Variants in PRPF3 observed in about 807,000 individuals in gnomAD.
PRPF3 encodes the protein U4/U6 small nuclear ribonucleoprotein Prp3.
In PRPF3, 3 loss-of-function variants were observed where a neutral mutation model predicts 89.2. The observed-to-expected ratio is 0.03, with a 90% confidence interval of 0.02 to 0.09. The LOEUF (loss-of-function observed/expected upper bound fraction) is 0.09, where lower values mean the gene tolerates loss of function less well. Among genes scored for constraint, PRPF3 ranks in the 10% least tolerant of loss-of-function variants. The pLI is 1.00. For missense variants in PRPF3, 463 were observed against 828.8 expected (o/e 0.56, Z 5.42); for synonymous variants, 270 against 289.1 (o/e 0.93, Z 0.67).
chr1:150,344,157 T>G lies in PRPF3; in HGVS notation c.1427-5T>G. 1 of 1,612,790 alleles carries G rather than the reference T, an allele frequency of 6.2e-7. No individual in the cohort carries two copies. The highest frequency in any genetic ancestry group is 8.5e-7 in the Non-Finnish European group (1 of 1,179,532). On this transcript the variant is annotated splice_region_variant and splice_polypyrimidine_tract_variant and intron_variant, in intron 10 of 15. Transcript: ENST00000324862. Reference sequence around the variant, plus strand: ...AGACTGATTGTTGTCCTCTCTTCACTGCAGTGAGAATTTCTAATTTGATGC... The same window carrying G: ...AGACTGATTGTTGTCCTCTCTTCACGGCAGTGAGAATTTCTAATTTGATGC...
intron 14 of PRPF3, 26 bp downstream of exon 14, chr1:150,346,517 G>C (rs1553872996): frequency 1.3e-6 from 2 of 1,586,748 alleles, no homozygotes; most frequent in African/African-American, 1.3e-5. Context: ...AGGGGATTAA[G>C]GGGGAGAGCT....
intron 15 of PRPF3, among the ~76,000 whole-genome samples, chr1:150,352,538 G>A (rs1029886859): frequency 5.3e-5 from 8 of 152,132 alleles, no homozygotes; most frequent in African/African-American, 1.2e-4. Context: ...GGTAGCGGGC[G>A]CCTGTAGTCC....
At chr1:150,335,461 C>T (rs1200362346) in intron 7 of PRPF3, among the ~76,000 whole-genome samples, 1 of 151,870 alleles carries the variant, frequency 6.6e-6, no homozygotes, top group African/African-American at 2.4e-5. Context: ...TTATTGTGTA[C>T]TTTATTATTA....
At position 150,344,139 on chromosome 1, in the gene PRPF3, T is replaced by C. The variant is rs1326666225; in HGVS notation, c.1427-23T>C. Reference sequence around the variant, plus strand: ...CTGGAGAAGTGACTTCAAAGACTGATTGTTGTCCTCTCTTCACTGCAGTGA... The same window carrying C: ...CTGGAGAAGTGACTTCAAAGACTGACTGTTGTCCTCTCTTCACTGCAGTGA... On this transcript the variant is annotated intron_variant, in intron 10 of 15. Transcript: ENST00000324862. 8.1e-6 allele frequency: 13 copies of C among 1,596,202 alleles called. 1 individual carries two copies. In the Admixed American group the frequency reaches 1.5e-4, roughly 18 times the overall value.
chr1:150,339,685 G>A (rs1303304173), intron 8 of PRPF3, among the ~76,000 whole-genome samples: 2 of 147,458 alleles, frequency 1.4e-5, no homozygotes, highest in African/African-American at 5.0e-5. Context: ...TGATCCACCC[G>A]CCTCAGCCTC....
In PRPF3 at chr1:150,346,427, A is replaced by G. The variant is rs782084287; in HGVS notation, c.1779A>G (p.Lys593=). 3 of 1,614,060 alleles carry G rather than the reference A, an allele frequency of 1.9e-6. No homozygotes were observed. In the Admixed American group the frequency reaches 5.0e-5, roughly 27 times the overall value. ...VVEGGPKAQK[K]FKRLMLHRIK... ...TTCCAGGCCCCAAGGCCCAGAAGAA[A>G]TTTAAGCGTCTTATGCTGCATCGGA... Residue 593 remains lysine (K), a synonymous_variant, in exon 14 of 16, where the codon AAA becomes AAG. Transcript: ENST00000324862.
intron 15 of PRPF3, among the ~76,000 whole-genome samples, chr1:150,351,332 G>T (rs781849230): frequency 6.6e-5 from 10 of 151,836 alleles, no homozygotes; most frequent in Non-Finnish European, 1.5e-4. Context: ...GCTATTAATA[G>T]TTTTTCTTCT....
intron 12 of PRPF3, among the ~76,000 whole-genome samples, chr1:150,345,133 T>C (rs1007129243): frequency 1.3e-5 from 2 of 152,094 alleles, no homozygotes; most frequent in Admixed American, 1.3e-4. Context: ...ACTAGTTCTT[T>C]ATTATAAAAG....
Position 150,346,598 on chromosome 1 carries a change from A to G in PRPF3, c.1843+107A>G, listed in dbSNP as rs1299362345. 4 of 1,164,900 alleles carry G rather than the reference A, an allele frequency of 3.4e-6. No individual in the cohort carries two copies. In the African/African-American group the frequency reaches 5.1e-5, roughly 15 times the overall value. 72.2% of individuals were successfully genotyped at this position (1,164,900 alleles called of 1,614,324 possible). On this transcript the variant is annotated intron_variant, in intron 14 of 15. Transcript: ENST00000324862. ...CCTGTGACACTCTTGATAACACTAG[A>G]TAGTGTTCAGGAATTTTAGAAAGAC...
In PRPF3 at chr1:150,344,183, G is replaced by A. The variant is rs781967161; in HGVS notation, c.1448G>A (p.Arg483Gln). 5.6e-6 allele frequency: 9 copies of A among 1,613,854 alleles called. No individual in the cohort carries two copies. Among genetic ancestry groups the A allele is most frequent in the South Asian group, 3.3e-5 (3 of 91,054 alleles). Residue 483 changes from arginine to glutamine, a missense_variant, in exon 11 of 16, where the codon CGA (arginine) becomes CAA (glutamine). By Grantham distance (43) the Arg-to-Gln change is conservative (BLOSUM62 1). Transcript: ENST00000324862. Reference sequence around the variant, plus strand: ...GCAGTGAGAATTTCTAATTTGATGCGAGTATTAGGAACAGAAGCTGTTCAA... The same window carrying A: ...GCAGTGAGAATTTCTAATTTGATGCAAGTATTAGGAACAGAAGCTGTTCAA... ...EPKVRISNLM[R>Q]VLGTEAVQDP...
At chr1:150,333,281 T>C in intron 6 of PRPF3, 82 bp downstream of exon 6, 1 of 1,447,662 alleles carries the variant, frequency 6.9e-7, no homozygotes, top group Non-Finnish European at 9.5e-7. Flanking sequence ...CTGATCTGGC[T>C]GGGCGCAGTG....
intron 12 of PRPF3, among the ~76,000 whole-genome samples, chr1:150,344,753 CTCAAG>C (rs1658111925): frequency 9.0e-6 from 1 of 111,190 alleles, no homozygotes; most frequent in Admixed American, 8.4e-5. Flanking sequence ...GTTCTTCCCT[CTCAAG>C]TCTTCTTTTT....
chr1:150,351,667 A>AT (rs10692607), intron 15 of PRPF3, among the ~76,000 whole-genome samples: 7,238 of 94,302 alleles, frequency 0.077, 675 homozygotes, highest in Non-Finnish European at 0.11. Flanking sequence ...TGCCTGGCTA[A>AT]TTTTTTTTTT....
At chr1:150,346,897 G>T (rs1038969609) in intron 14 of PRPF3, among the ~76,000 whole-genome samples, 5 of 152,052 alleles carry the variant, frequency 3.3e-5, no homozygotes, top group Non-Finnish European at 7.4e-5. Flanking sequence ...GACCAGCCTG[G>T]GCAAACAACG....
At chr1:150,343,248 A>AATATAT (rs66790680) in intron 9 of PRPF3, 61 bp from the exon 10 acceptor site, 2 of 449,412 alleles carry the variant, frequency 4.5e-6, no homozygotes, top group Middle Eastern at 1.0e-3. Context: ...AAAAAAAAAA[A>AATATAT]ATATATATAT....
Position 150,325,742 on chromosome 1 carries a change from TC to T in PRPF3, c.146-7del, listed in dbSNP as rs782059337. On this transcript the variant is annotated splice_region_variant and splice_polypyrimidine_tract_variant and intron_variant, in intron 2 of 15. Coordinates refer to ENST00000324862, the MANE Select transcript of PRPF3 (RefSeq NM_004698.4). ...TTTCCAACCCTACCACCGCCTTTCT[TC>T]CTGTCAGATCATCTGAAACCTTTTC... is the stretch of plus-strand genomic sequence containing the variant. 3.1e-6 allele frequency: 5 copies of T among 1,611,590 alleles called. No homozygotes were observed. The South Asian group carries it at 5.5e-5, about 18-fold the overall frequency.
Position 150,333,245 on chromosome 1 carries a change from G to A in PRPF3, c.728+46G>A, listed in dbSNP as rs111496143. The A allele has an allele frequency of 3.1e-6, 5 of 1,589,702 alleles. No homozygotes were observed. In the African/African-American group the frequency reaches 5.4e-5, roughly 17 times the overall value. On this transcript the variant is annotated intron_variant, in intron 6 of 15. Transcript: ENST00000324862. ...ATACCTTTTCATTTCTGAAGTTTGA[G>A]AAGCAATAAATACCTTTGAATGTTA...
intron 4 of PRPF3, among the ~76,000 whole-genome samples, chr1:150,331,366 C>T (rs1385154825): frequency 6.6e-6 from 1 of 151,192 alleles, no homozygotes; most frequent in Non-Finnish European, 1.5e-5. Flanking sequence ...TATTTTCTTT[C>T]TTTCTTTACT....
chr1:150,329,571 T>G (rs1443753666), intron 4 of PRPF3, among the ~76,000 whole-genome samples: 1 of 152,226 alleles, frequency 6.6e-6, no homozygotes, highest in Non-Finnish European at 1.5e-5. Context: ...AATCCACTGA[T>G]AAATAATTTT....
Sources: allele counts gnomAD v4.1 joint callset (sites outside exome capture counted in the v4.1 genomes callset), GRCh38; gene constraint gnomAD v4.1.1; transcripts MANE v1.5; gene names NCBI Gene and HGNC (gene_info 2026-07-23, HGNC 2026-07-21).